SEC16B: variants seen among roughly 807,000 people sequenced by gnomAD.
SEC16B encodes SEC16 homolog B, endoplasmic reticulum export factor, also known as protein transport protein Sec16B.
A neutral mutation model predicts 141.8 loss-of-function variants in SEC16B; 115 were observed. That is an observed-to-expected ratio of 0.81 (90% CI 0.70 to 0.95). The LOEUF is 0.95. SEC16B is among the 40% of genes least tolerant of loss of function. SEC16B has a pLI of 0.00. For synonymous variants in SEC16B, 493 were observed against 492.5 expected (o/e 1.00, Z -0.01); for missense variants, 1,291 against 1,312.3 (o/e 0.98, Z 0.25).
At position 177,937,530 on chromosome 1, in the gene SEC16B, A is replaced by C; in HGVS notation, c.2204-17T>G. On this transcript the variant is annotated splice_polypyrimidine_tract_variant and intron_variant, in intron 18 of 25. Transcript: ENST00000308284. The stretch of plus-strand genomic sequence containing the variant: ...AAGTGTTTTCTAAGGACGTGGAACA[A>C]AGGTAAAGAAGTCAGACCTGAAATG... 6.7e-7 allele frequency: 1 copy of C among 1,492,158 alleles called. No individual in the cohort carries two copies. Among genetic ancestry groups the C allele is most frequent in the Non-Finnish European group, 8.9e-7 (1 of 1,119,852 alleles). 92.4% of individuals were successfully genotyped at this position (1,492,158 alleles called of 1,614,324 possible).
intron 13 of SEC16B, 77 bp downstream of exon 13, chr1:177,947,748 G>A (rs1222614907): frequency 1.4e-6 from 1 of 730,674 alleles, no homozygotes; most frequent in East Asian, 2.9e-5. Context: ...GGGAGGGGAG[G>A]TGAGGAAAGG....
chr1:177,958,868 A>C lies in SEC16B; in HGVS notation c.1106T>G (p.Leu369Arg). ...GSRDSALLWQLLVLLCRQNGS... is the reference protein window; with the variant it reads ...GSRDSALLWQRLVLLCRQNGS... Reference sequence around the variant, plus strand: ...ATTCTGGCGACAAAGGAGAACCAAGAGCTGCCACAGTAGAGCTGAGTCTCT... The same window carrying C: ...ATTCTGGCGACAAAGGAGAACCAAGCGCTGCCACAGTAGAGCTGAGTCTCT... Residue 369 changes from leucine to arginine, a missense_variant, in exon 9 of 26, where the codon CTC (leucine) becomes CGC (arginine). Coordinates refer to ENST00000308284, the MANE Select transcript of SEC16B (RefSeq NM_033127.4). The C allele has an allele frequency of 1.2e-6, 2 of 1,613,776 alleles. No homozygotes were observed. Among genetic ancestry groups the C allele is most frequent in the Non-Finnish European group, 1.7e-6 (2 of 1,179,734 alleles).
At chr1:177,975,100 C>T (rs190611376), upstream of SEC16B, among the ~76,000 whole-genome samples, 70 of 152,214 alleles carry the variant, frequency 4.6e-4, no homozygotes, top group African/African-American at 1.2e-3. Context: ...AACATTATGA[C>T]GGTTTGGAAT....
At chr1:177,966,278 T>A (rs1234043411) in intron 2 of SEC16B, among the ~76,000 whole-genome samples, 3 of 152,222 alleles carry the variant, frequency 2.0e-5, no homozygotes, top group Non-Finnish European at 4.4e-5. Flanking sequence ...AAAACTCTTT[T>A]ATTTTGTAGT....
chr1:177,961,549 C>CA, intron 6 of SEC16B, 41 bp downstream of exon 6: 1 of 1,573,888 alleles, frequency 6.4e-7, no homozygotes, highest in Non-Finnish European at 8.6e-7. Flanking sequence ...AGCCCTTCCA[C>CA]ATCAGATTCA....
intron 24 of SEC16B, among the ~76,000 whole-genome samples, chr1:177,931,495 G>C (rs888166254): frequency 1.3e-5 from 2 of 152,158 alleles, no homozygotes; most frequent in Non-Finnish European, 2.9e-5. Context: ...AACACTACTT[G>C]GCTGGTGGGT....
chr1:177,954,795 T>G (rs1652471019), intron 10 of SEC16B, among the ~76,000 whole-genome samples: 1 of 152,194 alleles, frequency 6.6e-6, no homozygotes, highest in African/African-American at 2.4e-5. Flanking sequence ...ATATGTTAAC[T>G]AGCTCCATTT....
intron 5 of SEC16B, 84 bp downstream of exon 5, chr1:177,964,087 C>T: frequency 1.0e-6 from 1 of 964,172 alleles, no homozygotes; most frequent in Admixed American, 2.5e-5. Context: ...ACATCCATCC[C>T]CAAGGGCCCT....
intron 2 of SEC16B, 75 bp downstream of exon 2, chr1:177,967,608 A>G: frequency 7.2e-7 from 1 of 1,389,870 alleles, no homozygotes. Context: ...ATAAAAGGAA[A>G]AGGAAGAAGG....
intron 3 of SEC16B, 44 bp downstream of exon 3, chr1:177,965,849 C>T: frequency 8.0e-7 from 1 of 1,250,424 alleles, no homozygotes; most frequent in Non-Finnish European, 1.1e-6. Flanking sequence ...AGACCAGCTG[C>T]CCCATCCCCA....
In SEC16B at chr1:177,958,202, G is replaced by A. The variant is rs768623007; in HGVS notation, c.1295C>T (p.Pro432Leu). ...CTGCGCAGGTGTCTCCACACTGGGG[G>A]GGATCTCTCCCGTGAGCAGGTTCGG... ...GTPNLLTGEI[P>L]PSVETPAQIV... The change falls in exon 10 of 26, where the codon CCC becomes CTC. Residue 432 changes from proline to leucine, a missense_variant. By Grantham distance (98) the Pro-to-Leu change is moderately conservative. Transcript: ENST00000308284. 7 of 1,598,714 alleles carry A rather than the reference G, an allele frequency of 4.4e-6. No individual in the cohort carries two copies. Among genetic ancestry groups the A allele is most frequent in the South Asian group, 2.3e-5 (2 of 86,986 alleles).
chr1:177,965,164 G>A lies in SEC16B; in HGVS notation c.416C>T (p.Pro139Leu). 1.2e-6 allele frequency: 2 copies of A among 1,613,106 alleles called. No homozygotes were observed. Among genetic ancestry groups the A allele is most frequent in the Non-Finnish European group, 1.7e-6 (2 of 1,179,604 alleles). ...CCAGATATAAGGACTCCGTTGCCTTGGCACTGCACCCTCAGAGAAAACAAA... is the reference window on the plus strand; with the variant it reads ...CCAGATATAAGGACTCCGTTGCCTTAGCACTGCACCCTCAGAGAAAACAAA... ...HPQWLQEERV[P>L]RQRSPYIWHE... The change falls in exon 4 of 26, where the codon CCA becomes CTA. Residue 139 changes from proline to leucine, a missense_variant. Pro to Leu is a moderately conservative substitution (Grantham distance 98, BLOSUM62 -3). Transcript: ENST00000308284.
chr1:177,967,925 G>A lies in SEC16B; in HGVS notation c.57C>T (p.Pro19=). The part of the protein sequence containing the change: ...LPQTRGKATA[P]SKDPDRGFRR... Reference sequence around the variant, plus strand: ...GAAACCCTCGGTCTGGATCCTTTGAGGGTGCTGTGGCCTTCCCTCGTGTCT... The same window carrying A: ...GAAACCCTCGGTCTGGATCCTTTGAAGGTGCTGTGGCCTTCCCTCGTGTCT... Residue 19 remains proline (P), a synonymous_variant, in exon 2 of 26, where the codon CCC becomes CCT. Transcript: ENST00000308284. The A allele has an allele frequency of 5.0e-6, 8 of 1,613,868 alleles. No homozygotes were observed. Among genetic ancestry groups the A allele is most frequent in the South Asian group, 1.1e-5 (1 of 91,068 alleles).
At chr1:177,939,640 G>T in intron 18 of SEC16B, 62 bp downstream of exon 18, 1 of 1,343,096 alleles carries the variant, frequency 7.4e-7, no homozygotes, top group Non-Finnish European at 1.0e-6. Flanking sequence ...AAATTACTTT[G>T]TCTCGTAGAA....
chr1:177,940,766 G>T, intron 16 of SEC16B, 52 bp from the exon 17 acceptor site: 1 of 1,281,030 alleles, frequency 7.8e-7, no homozygotes, highest in Non-Finnish European at 1.1e-6. Flanking sequence ...GAGGAGAGGA[G>T]AGAGAGGGAA....
At position 177,940,682 on chromosome 1, in the gene SEC16B, C is replaced by G; in HGVS notation, c.2055G>C (p.Leu685=). Residue 685 remains leucine, a synonymous_variant, in exon 17 of 26, where the codon CTG becomes CTC. Coordinates refer to ENST00000308284, the MANE Select transcript of SEC16B (RefSeq NM_033127.4). ...TGTCTCCACTGCGTCTTTCTAAAAC[C>G]AGAGGATCTGACAGCTTCAGTTTCT... is the stretch of plus-strand genomic sequence containing the variant. ...LAEKLKLSDP[L]VLERRSGDRD... is the part of the protein sequence containing the mutation. 6.2e-7 allele frequency: 1 copy of G among 1,613,834 alleles called. No homozygotes were observed. Among genetic ancestry groups the G allele is most frequent in the Non-Finnish European group, 8.5e-7 (1 of 1,179,826 alleles).
At chr1:177,961,283 G>A in intron 6 of SEC16B, 1 of 447,518 alleles carries the variant, frequency 2.2e-6, no homozygotes, top group East Asian at 4.3e-5. Context: ...ATGAAGCTTT[G>A]CATCTTGCTT....
At position 177,937,453 on chromosome 1, in the gene SEC16B, C is replaced by T. The variant is rs762350879; in HGVS notation, c.2264G>A (p.Arg755His). The change falls in exon 19 of 26, where the codon CGC (arginine) becomes CAC (histidine). Residue 755 changes from arginine to histidine, a missense_variant. Arg to His is a conservative substitution (Grantham distance 29). Coordinates refer to ENST00000308284, the MANE Select transcript of SEC16B (RefSeq NM_033127.4). ...CQGYSEAPGY[R>H]SALWLTPEQT... ...CTCAGGTGTCAGCCACAGAGCTGAG[C>T]GGTACCCAGGGGCTTCAGAGTAGCC... The T allele has an allele frequency of 8.1e-6, 13 of 1,602,932 alleles. 1 individual carries two copies. The highest frequency in any genetic ancestry group is 2.2e-5 in the East Asian group (1 of 44,552).
At position 177,937,376 on chromosome 1, in the gene SEC16B, C is replaced by G; in HGVS notation, c.2341G>C (p.Gly781Arg). Residue 781 changes from glycine (G) to arginine (R), a missense_variant, in exon 19 of 26, where the codon GGC (glycine) becomes CGC (arginine). Around this residue, in one of 3 missense-constraint regions of SEC16B, gnomAD observed 605 missense variants for 614.1 expected, o/e 0.99. Transcript: ENST00000308284. ...GCACCCCCTCCTGCTGGGTAGGAGCCCGGCTGGAGGGGAAAGGGCTGCTGT... is the reference window on the plus strand; with the variant it reads ...GCACCCCCTCCTGCTGGGTAGGAGCGCGGCTGGAGGGGAAAGGGCTGCTGT... ...SPQQPFPLQPGSYPAGGGAGQ... is the reference protein window; with the variant it reads ...SPQQPFPLQPRSYPAGGGAGQ... The G allele has an allele frequency of 6.2e-7, 1 of 1,612,856 alleles. No individual in the cohort carries two copies. Among genetic ancestry groups the G allele is most frequent in the African/African-American group, 1.3e-5 (1 of 75,006 alleles).
Sources: gnomAD v4.1 joint callset for allele counts (sites outside exome capture counted in the v4.1 genomes callset) on GRCh38, gnomAD v4.1.1 for gene constraint, gnomAD v4.1.1 regional missense constraint, MANE v1.5 for transcripts, NCBI Gene and HGNC (gene_info 2026-07-23, HGNC 2026-07-21) for gene names.